ST3GAL3: variants seen among roughly 807,000 people sequenced by gnomAD.
ST3GAL3 encodes the protein CMP-N-acetylneuraminate-beta-1,4-galactoside alpha-2,3-sialyltransferase.
A neutral mutation model predicts 50.1 loss-of-function variants in ST3GAL3; 21 were observed. The observed-to-expected ratio is 0.42, with a 90% CI of 0.30 to 0.60. ST3GAL3 has a LOEUF of 0.60. Ranked by LOEUF, ST3GAL3 falls within the 20% of genes least tolerant of loss-of-function variation. The pLI, the probability that ST3GAL3 is intolerant of heterozygous loss-of-function variation, is 0.19. For missense variants in ST3GAL3, 353 were observed against 489.4 expected, an observed-to-expected ratio of 0.72 and a Z score of 2.63; for synonymous variants, 183 against 190.0, an observed-to-expected ratio of 0.96 and a Z score of 0.30.
At chr1:43,894,278 A>AG (rs1242015631) in intron 5 of ST3GAL3, 105 bp from the exon 6 acceptor site, 10 of 1,109,338 alleles carry the variant, frequency 9.0e-6, no homozygotes, top group Non-Finnish European at 1.4e-5. Flanking sequence ...CGGAATGCAG[A>AG]GGGGGCTTCC....
rs575591879 is a variant in ST3GAL3, at chr1:43,741,222, G to A, written c.118+4842G>A. ...TACATGTCTATGGTGCCAGCTACTC[G>A]AGAGGCTGAGGTGGGAGGATCGTTT... On this transcript the variant is annotated intron_variant, in intron 2 of 11. Transcript: ENST00000347631. 6.6e-5 allele frequency among the ~76,000 whole-genome samples: 10 copies of A among 152,050 alleles called. No individual in the cohort carries two copies. The East Asian group carries it at 9.7e-4, about 15-fold the overall frequency.
rs16831299 is a variant in ST3GAL3, at chr1:43,852,639, G to T, written c.302+14328G>T. On this transcript the variant is annotated intron_variant, in intron 5 of 11. Transcript: ENST00000347631. ...TTGAGAGTGTAAGGATGTGGGAAAT[G>T]TTGATAAGACACTCTTTTAGTGGAA... 9.7e-3 allele frequency among the ~76,000 whole-genome samples: 1,475 copies of T among 152,286 alleles called. 22 individuals are homozygous for T. The highest frequency in any genetic ancestry group is 0.034 in the African/African-American group (1,408 of 41,542).
chr1:43,737,212 G>C lies in ST3GAL3; in HGVS notation c.118+832G>C, dbSNP rs1678903926. ...GTATAAAATCAGAACAGAGTGGCCTGTTTTGACCTGCAGTGATATGTCTTC... is the reference window on the plus strand; with the variant it reads ...GTATAAAATCAGAACAGAGTGGCCTCTTTTGACCTGCAGTGATATGTCTTC... On this transcript the variant is annotated intron_variant, in intron 2 of 11. Coordinates refer to ENST00000347631, the MANE Select transcript of ST3GAL3 (RefSeq NM_006279.5). The surrounding 1 kb of genome is among the most constrained non-coding windows in gnomAD (Gnocchi z 4.0). 6.6e-6 allele frequency: 1 copy of C among 152,330 alleles called. No individual in the cohort carries two copies. The highest frequency in any genetic ancestry group is 1.5e-5 in the Non-Finnish European group (1 of 68,150). The allele number at this position is 152,330 out of a possible 1,614,324, so 9.4% of individuals were successfully genotyped here.
At chr1:43,926,698 A>G (rs939698868) in intron 11 of ST3GAL3, among the ~76,000 whole-genome samples, 2 of 152,188 alleles carry the variant, frequency 1.3e-5, no homozygotes, top group African/African-American at 4.8e-5. Flanking sequence ...TGGAGACCCC[A>G]GGATGACCAG....
intron 6 of ST3GAL3, among the ~76,000 whole-genome samples, chr1:43,895,793 A>G (rs2154268087): frequency 6.6e-6 from 1 of 152,288 alleles, no homozygotes; most frequent in East Asian, 1.9e-4. Context: ...GCAGCCAAGA[A>G]GTCCACTCTT....
At chr1:43,920,183 C>CT (rs1368872652) in intron 9 of ST3GAL3, 1 of 607,524 alleles carries the variant, frequency 1.6e-6, no homozygotes, top group African/African-American at 1.8e-5. Context: ...CTGTTACACA[C>CT]TGGAGCCCCA....
At chr1:43,738,517 G>C (rs1312628962) in intron 2 of ST3GAL3, 1 of 147,470 alleles carries the variant, frequency 6.8e-6, no homozygotes, top group Admixed American at 6.8e-5. Flanking sequence ...TTTTTTTTGA[G>C]ATGAGGTCTC....
chr1:43,761,883 G>A (rs918037454), intron 2 of ST3GAL3, among the ~76,000 whole-genome samples: 7 of 147,226 alleles, frequency 4.8e-5, no homozygotes, highest in Admixed American at 2.7e-4. Context: ...CCCAGGAGGC[G>A]GAGCTTGCAG....
rs576754459 is a variant in ST3GAL3 at position 43,797,807 on chromosome 1, A to G, written c.166+5658A>G. Reference sequence around the variant, plus strand: ...AAGAAACAAAATTAACCGTTTTCATAGATGACATGATTGCCTACATAGGAA... The same window carrying G: ...AAGAAACAAAATTAACCGTTTTCATGGATGACATGATTGCCTACATAGGAA... On this transcript the variant is annotated intron_variant, in intron 3 of 11. Transcript: ENST00000347631. Among the ~76,000 whole-genome samples the G allele has an allele frequency of 2.6e-5, 4 of 152,348 alleles. No individual in the cohort carries two copies. The East Asian group carries it at 7.7e-4, about 29-fold the overall frequency.
intron 3 of ST3GAL3, among the ~76,000 whole-genome samples, chr1:43,806,993 G>A (rs549032831): frequency 2.6e-5 from 4 of 152,326 alleles, no homozygotes; most frequent in Admixed American, 1.3e-4. Context: ...GCCCGGTAGG[G>A]AAAATACTTT....
intron 3 of ST3GAL3, among the ~76,000 whole-genome samples, chr1:43,797,540 A>C (rs1396629198): frequency 6.6e-6 from 1 of 152,212 alleles, no homozygotes; most frequent in Non-Finnish European, 1.5e-5. Context: ...AAGAAAAAAA[A>C]CTGCATGGTC....
chr1:43,736,529 A>T, intron 2 of ST3GAL3, 149 bp downstream of exon 2: 1 of 1,392,208 alleles, frequency 7.2e-7, no homozygotes, highest in Non-Finnish European at 1.0e-6. Context: ...ATTGCCTGCC[A>T]TTTTAGCTGG....
chr1:43,783,727 C>G (rs1217069146), intron 2 of ST3GAL3, among the ~76,000 whole-genome samples: 1 of 151,870 alleles, frequency 6.6e-6, no homozygotes, highest in East Asian at 1.9e-4. Flanking sequence ...GCAGTGCCAC[C>G]CTTACACTGC....
intron 5 of ST3GAL3, among the ~76,000 whole-genome samples, chr1:43,844,593 T>C (rs2065922840): frequency 6.6e-6 from 1 of 152,008 alleles, no homozygotes; most frequent in Admixed American, 6.6e-5. Flanking sequence ...GGGTGGATCA[T>C]GAGGTCAGGA....
At chr1:43,867,021 T>C (rs925865949) in intron 5 of ST3GAL3, among the ~76,000 whole-genome samples, 1 of 152,154 alleles carries the variant, frequency 6.6e-6, no homozygotes. Flanking sequence ...TCGCAGCTAC[T>C]TGGGACGCTT....
intron 1 of ST3GAL3, among the ~76,000 whole-genome samples, chr1:43,734,755 G>A (rs1558062441): frequency 6.6e-6 from 1 of 151,878 alleles, no homozygotes; most frequent in Non-Finnish European, 1.5e-5. Context: ...GCTTTCCTAG[G>A]TGGACAATTA....
intron 2 of ST3GAL3, among the ~76,000 whole-genome samples, chr1:43,759,340 A>G (rs999061978): frequency 6.6e-6 from 1 of 152,122 alleles, no homozygotes; most frequent in East Asian, 1.9e-4. Context: ...GCTATTCGGG[A>G]GGCTAAGGTG....
At chr1:43,907,898 A>G (rs1447313564) in intron 9 of ST3GAL3, among the ~76,000 whole-genome samples, 1 of 152,140 alleles carries the variant, frequency 6.6e-6, no homozygotes, top group Non-Finnish European at 1.5e-5. Flanking sequence ...CGCCTGTCCC[A>G]GTGTCTCCCT....
At chr1:43,901,391 C>T (rs566721205) in intron 9 of ST3GAL3, among the ~76,000 whole-genome samples, 2 of 152,310 alleles carry the variant, frequency 1.3e-5, no homozygotes, top group Admixed American at 1.3e-4. Context: ...ACTGGACAGA[C>T]TGGGAAAAGC....
Sources: gnomAD v4.1 joint callset for allele counts (sites outside exome capture counted in the v4.1 genomes callset) on GRCh38, gnomAD v4.1.1 for gene constraint, Gnocchi (gnomAD v3.1) non-coding constraint, MANE v1.5 for transcripts, NCBI Gene and HGNC (gene_info 2026-07-23, HGNC 2026-07-21) for gene names.